The following FAM151B variants were observed in gnomAD, a reference collection of about 807,000 sequenced individuals.
FAM151B encodes the protein protein FAM151B.
Under a neutral mutation model 31.2 loss-of-function variants are expected in FAM151B, and 24 were observed. The ratio of observed to expected loss-of-function variants is 0.77; its 90% CI spans 0.56 to 1.08. The LOEUF is 1.08. Ranked by LOEUF, FAM151B falls within the 50% of genes least tolerant of loss-of-function variation. The pLI, the probability that FAM151B is intolerant of heterozygous loss-of-function variation, is 0.00. For synonymous variants in FAM151B, 105 were observed against 111.4 expected, an observed-to-expected ratio of 0.94 and a Z score of 0.36; for missense variants, 293 against 328.6, an observed-to-expected ratio of 0.89 and a Z score of 0.84.
At chr5:80,534,875 A>T (rs1251020905) in intron 5 of FAM151B, among the ~76,000 whole-genome samples, 3 of 152,232 alleles carry the variant, frequency 2.0e-5, no homozygotes, top group African/African-American at 7.2e-5. Context: ...ACTCCACATA[A>T]AAAAACTATT....
chr5:80,495,926 A>T (rs1217640291), intron 1 of FAM151B, among the ~76,000 whole-genome samples: 1 of 151,890 alleles, frequency 6.6e-6, no homozygotes, highest in Non-Finnish European at 1.5e-5. Flanking sequence ...CAATTTTATG[A>T]TAAGACTTTA....
chr5:80,522,162 G>A, intron 5 of FAM151B, 24 bp downstream of exon 5: 1 of 1,597,126 alleles, frequency 6.3e-7, no homozygotes, highest in Non-Finnish European at 8.6e-7. Flanking sequence ...TAACAAATGT[G>A]TATGTGAGTG....
chr5:80,521,363 C>G (rs1235234404), intron 4 of FAM151B, among the ~76,000 whole-genome samples: 1 of 147,572 alleles, frequency 6.8e-6, no homozygotes, highest in Non-Finnish European at 1.5e-5. Flanking sequence ...TGGGCTCAAG[C>G]TATCCTCCCA....
chr5:80,536,069 C>G (rs1457583739), intron 5 of FAM151B, among the ~76,000 whole-genome samples: 1 of 152,098 alleles, frequency 6.6e-6, no homozygotes, highest in Admixed American at 6.6e-5. Flanking sequence ...TGGCTTTTAT[C>G]CAAAAGACAG....
intron 1 of FAM151B, among the ~76,000 whole-genome samples, chr5:80,489,120 TTATACAATTATATTG>T (rs1456370966): frequency 2.0e-5 from 3 of 152,206 alleles, no homozygotes; most frequent in Non-Finnish European, 2.9e-5. Context: ...CTGAAGTGTT[TTATACAATTATATTG>T]TATACAATTA....
At chr5:80,513,106 A>G (rs1446135023) in intron 2 of FAM151B, among the ~76,000 whole-genome samples, 1 of 152,294 alleles carries the variant, frequency 6.6e-6, no homozygotes, top group African/African-American at 2.4e-5. Flanking sequence ...ACATACTTAC[A>G]CCATGTCTGC....
chr5:80,510,714 C>T (rs1265952446), intron 2 of FAM151B: 1 of 152,170 alleles, frequency 6.6e-6, no homozygotes, highest in African/African-American at 2.4e-5. Context: ...TTTCATTCAG[C>T]CTGATGCCTT....
chr5:80,526,507 C>T (rs1744980364), intron 5 of FAM151B, among the ~76,000 whole-genome samples: 1 of 151,394 alleles, frequency 6.6e-6, no homozygotes, highest in Admixed American at 6.6e-5. Context: ...GTAATTCCAG[C>T]TACTCGGGAG....
intron 2 of FAM151B, among the ~76,000 whole-genome samples, chr5:80,505,729 TTTTC>T (rs1161469090): frequency 6.7e-6 from 1 of 149,810 alleles, no homozygotes; most frequent in Non-Finnish European, 1.5e-5. Flanking sequence ...ACCAGTCCCC[TTTTC>T]TTTCTTCCTA....
intron 1 of FAM151B, chr5:80,500,562 C>T (rs1743704820): frequency 2.6e-6 from 2 of 754,996 alleles, no homozygotes; most frequent in Admixed American, 3.4e-5. Context: ...GCGAGAAAAG[C>T]TGGCAACTTC....
At chr5:80,523,407 G>C (rs766845028) in intron 5 of FAM151B, among the ~76,000 whole-genome samples, 8 of 152,146 alleles carry the variant, frequency 5.3e-5, no homozygotes, top group Non-Finnish European at 8.8e-5. Context: ...TTTGGCTGGA[G>C]TATAAACTGA....
At chr5:80,490,581 T>C (rs1280160722) in intron 1 of FAM151B, among the ~76,000 whole-genome samples, 2 of 152,208 alleles carry the variant, frequency 1.3e-5, no homozygotes, top group African/African-American at 4.8e-5. Context: ...CCCCACCCTT[T>C]AACATCCACA....
intron 5 of FAM151B, among the ~76,000 whole-genome samples, chr5:80,540,259 CTT>C (rs1234962741): frequency 3.3e-5 from 5 of 152,188 alleles, no homozygotes; most frequent in Admixed American, 1.3e-4. Flanking sequence ...ACTTAACAAT[CTT>C]AAAGATCATG....
intron 5 of FAM151B, among the ~76,000 whole-genome samples, chr5:80,539,782 G>A (rs574875847): frequency 3.3e-5 from 5 of 150,394 alleles, no homozygotes; most frequent in South Asian, 4.2e-4. Context: ...ATGAGCCACC[G>A]TGCCCTGCCT....
chr5:80,491,167 TCTA>T (rs1743318754), intron 1 of FAM151B, among the ~76,000 whole-genome samples: 1 of 151,354 alleles, frequency 6.6e-6, no homozygotes, highest in African/African-American at 2.4e-5. Context: ...ACATTTAAAA[TCTA>T]CTCATTTAAG....
intron 1 of FAM151B, chr5:80,498,878 A>G: frequency 2.8e-6 from 1 of 351,890 alleles, no homozygotes; most frequent in Non-Finnish European, 5.5e-6. Flanking sequence ...TTTGCTGATC[A>G]GGAGGAATTC....
intron 5 of FAM151B, among the ~76,000 whole-genome samples, chr5:80,538,541 CTT>C (rs1561384115): frequency 9.3e-5 from 12 of 128,880 alleles, no homozygotes; most frequent in Non-Finnish European, 1.8e-4. Flanking sequence ...TCCTTCCTTC[CTT>C]CCTTCCTTCC....
chr5:80,496,460 GT>G (rs1235704916), intron 1 of FAM151B, among the ~76,000 whole-genome samples: 2 of 152,162 alleles, frequency 1.3e-5, no homozygotes, highest in African/African-American at 2.4e-5. Context: ...ACTTTTATAT[GT>G]ACTGGGAAAC....
chr5:80,534,198 A>G (rs1392825089), intron 5 of FAM151B, among the ~76,000 whole-genome samples: 2 of 152,170 alleles, frequency 1.3e-5, no homozygotes, highest in African/African-American at 4.8e-5. Context: ...AACTAACACC[A>G]GTCCTATTCA....
Sources: gnomAD v4.1 joint callset for allele counts (sites outside exome capture counted in the v4.1 genomes callset) on GRCh38, gnomAD v4.1.1 for gene constraint, MANE v1.5 for transcripts, NCBI Gene and HGNC (gene_info 2026-07-23, HGNC 2026-07-21) for gene names.